CNTN5: variants seen among roughly 807,000 people sequenced by gnomAD.
CNTN5 encodes the protein contactin 5.
CNTN5 carries 77 observed loss-of-function variants against 129.1 expected under a neutral mutation model. The observed-to-expected ratio is 0.60, with a 90% CI of 0.50 to 0.72. The LOEUF (loss-of-function observed/expected upper bound fraction) is 0.72, where lower values mean the gene tolerates loss of function less well. Ranked by LOEUF, CNTN5 falls within the 30% of genes least tolerant of loss-of-function variation. The pLI is 0.00. For synonymous variants in CNTN5, 509 were observed against 465.6 expected (o/e 1.09, Z -1.20); for missense variants, 1,478 against 1,328.8 (o/e 1.11, Z -1.75).
chr11:99,433,486 A>G (rs895381628), intron 2 of CNTN5, among the ~76,000 whole-genome samples: 5 of 151,930 alleles, frequency 3.3e-5, no homozygotes, highest in Non-Finnish European at 7.4e-5. Context: ...CTGTAAATCA[A>G]AATTTGTTCA....
rs557087708 is a variant in CNTN5 at position 99,021,521 on chromosome 11, G to T, written c.-210+251G>T. On this transcript the variant is annotated intron_variant, in intron 1 of 24. Coordinates refer to ENST00000524871, the MANE Select transcript of CNTN5 (RefSeq NM_014361.4). ...ATAACCTATTTGTATATCTCCTAAT[G>T]CCACCCAAAATAAGAGTAAGCAATT... 2.0e-5 allele frequency among the ~76,000 whole-genome samples: 3 copies of T among 152,218 alleles called. No homozygotes were observed. The South Asian group carries it at 6.2e-4, about 32-fold the overall frequency.
At chr11:99,301,623 A>T (rs1864642552) in intron 1 of CNTN5, among the ~76,000 whole-genome samples, 1 of 151,860 alleles carries the variant, frequency 6.6e-6, no homozygotes, top group Non-Finnish European at 1.5e-5. Flanking sequence ...AAGAAAACAT[A>T]GACAATGAAA....
rs1204592692 is a variant in CNTN5 at position 99,567,431 on chromosome 11, T to G, written c.55+11162T>G. On this transcript the variant is annotated intron_variant, in intron 3 of 24. Coordinates refer to ENST00000524871, the MANE Select transcript of CNTN5 (RefSeq NM_014361.4). Reference sequence around the variant, plus strand: ...AGTTAAATCCATTTTATTGGAAAGGTGACAGTTTGTTCCTTCTGCCAAGAT... The same window carrying G: ...AGTTAAATCCATTTTATTGGAAAGGGGACAGTTTGTTCCTTCTGCCAAGAT... 1.4e-4 allele frequency among the ~76,000 whole-genome samples: 22 copies of G among 152,032 alleles called. 1 individual carries two copies. The highest frequency in any genetic ancestry group is 1.4e-3 in the Admixed American group (22 of 15,252).
rs75102938 is a variant in CNTN5, at chr11:100,275,816, T to C, written c.2314+4575T>C. On this transcript the variant is annotated intron_variant, in intron 18 of 24. Transcript: ENST00000524871. ...TTGAGGAAGGTTTGTATTGCATCCT[T>C]TATGCTTCCTGTACTGTGGTACTAC... Among the ~76,000 whole-genome samples the C allele has an allele frequency of 1.9e-3, 290 of 152,296 alleles. 3 individuals are homozygous for C. Among genetic ancestry groups the C allele is most frequent in the African/African-American group, 6.5e-3 (269 of 41,562 alleles).
intron 13 of CNTN5, among the ~76,000 whole-genome samples, chr11:100,139,760 A>G (rs983173435): frequency 6.6e-6 from 1 of 152,164 alleles, no homozygotes; most frequent in African/African-American, 2.4e-5. Context: ...GCTACTCGGG[A>G]GGCTGAGGCA....
chr11:99,321,683 C>G (rs1241444986), intron 1 of CNTN5, among the ~76,000 whole-genome samples: 3 of 152,106 alleles, frequency 2.0e-5, no homozygotes, highest in South Asian at 2.1e-4. Context: ...TGATTCTACT[C>G]AAAAGCTATT....
intron 4 of CNTN5, among the ~76,000 whole-genome samples, chr11:99,820,715 C>A (rs1216205174): frequency 6.6e-6 from 1 of 152,174 alleles, no homozygotes; most frequent in Non-Finnish European, 1.5e-5. Context: ...AACTCTGGGA[C>A]AGATAAGTAT....
chr11:99,181,467 G>A (rs1858060608), intron 1 of CNTN5, among the ~76,000 whole-genome samples: 1 of 152,126 alleles, frequency 6.6e-6, no homozygotes, highest in Admixed American at 6.5e-5. Context: ...ATGTTAGCAG[G>A]GATGATTCTC....
intron 18 of CNTN5, among the ~76,000 whole-genome samples, chr11:100,289,562 C>T (rs1182373971): frequency 6.6e-6 from 1 of 152,138 alleles, no homozygotes; most frequent in African/African-American, 2.4e-5. Context: ...TTCAACAACG[C>T]TTCATGCTAA....
chr11:100,074,088 CATTAGAGATT>C, intron 12 of CNTN5, 46 bp from the exon 13 acceptor site: 1 of 1,476,644 alleles, frequency 6.8e-7, no homozygotes, highest in Non-Finnish European at 9.3e-7. Flanking sequence ...ATGAATCACC[CATTAGAGATT>C]ATTGTCATTG....
At chr11:100,009,150 C>G (rs1228901279) in intron 9 of CNTN5, among the ~76,000 whole-genome samples, 1 of 152,064 alleles carries the variant, frequency 6.6e-6, no homozygotes, top group African/African-American at 2.4e-5. Flanking sequence ...TACTAAAAAG[C>G]CATAAGCTGC....
chr11:99,143,162 A>C (rs1305204071), intron 1 of CNTN5, among the ~76,000 whole-genome samples: 1 of 152,016 alleles, frequency 6.6e-6, no homozygotes, highest in African/African-American at 2.4e-5. Flanking sequence ...TTAAGGCAGA[A>C]ATCTTTAACA....
intron 2 of CNTN5, among the ~76,000 whole-genome samples, chr11:99,519,371 A>G (rs2135433807): frequency 6.6e-6 from 1 of 152,180 alleles, no homozygotes; most frequent in South Asian, 2.1e-4. Context: ...TGTTCACAGC[A>G]CCAATTTTAC....
At chr11:99,975,293 G>A (rs79459927) in intron 8 of CNTN5, among the ~76,000 whole-genome samples, 25,500 of 152,092 alleles carry the variant, frequency 0.17, 2,221 homozygotes, top group Middle Eastern at 0.22. Context: ...TGGAGCTTAC[G>A]TTTTAATGAC....
intron 1 of CNTN5, among the ~76,000 whole-genome samples, chr11:99,222,025 C>T (rs957181850): frequency 6.6e-6 from 1 of 151,876 alleles, no homozygotes; most frequent in Non-Finnish European, 1.5e-5. Flanking sequence ...TCTTCAGTAA[C>T]TTGTCTTTTA....
intron 3 of CNTN5, among the ~76,000 whole-genome samples, chr11:99,709,333 A>G (rs1954878324): frequency 6.6e-6 from 1 of 151,850 alleles, no homozygotes; most frequent in Non-Finnish European, 1.5e-5. Context: ...AGAATTGAAC[A>G]ATATTACTAA....
intron 3 of CNTN5, among the ~76,000 whole-genome samples, chr11:99,601,259 T>C (rs1351954098): frequency 6.6e-6 from 1 of 152,238 alleles, no homozygotes; most frequent in Non-Finnish European, 1.5e-5. Context: ...TTCTACTTTA[T>C]AACCTCAAAA....
At chr11:99,399,877 C>T (rs984406827) in intron 2 of CNTN5, among the ~76,000 whole-genome samples, 1 of 151,028 alleles carries the variant, frequency 6.6e-6, no homozygotes, top group African/African-American at 2.4e-5. Context: ...TTTGTGGGTA[C>T]ATAGAAGGTG....
At chr11:100,029,519 C>T (rs1229497251) in intron 9 of CNTN5, among the ~76,000 whole-genome samples, 2 of 151,968 alleles carry the variant, frequency 1.3e-5, no homozygotes, top group Admixed American at 1.3e-4. Context: ...GGAGGTGGAG[C>T]TTGCAGTGAG....
Sources: gnomAD v4.1 joint callset for allele counts (sites outside exome capture counted in the v4.1 genomes callset) on GRCh38, gnomAD v4.1.1 for gene constraint, MANE v1.5 for transcripts, NCBI Gene and HGNC (gene_info 2026-07-23, HGNC 2026-07-21) for gene names.